The following SLC26A9 variants were observed in gnomAD, a reference collection of about 807,000 sequenced individuals.
SLC26A9 encodes solute carrier family 26 member 9.
Under a neutral mutation model 87.1 loss-of-function variants are expected in SLC26A9, and 46 were observed. The ratio of observed to expected loss-of-function variants is 0.53; its 90% CI spans 0.42 to 0.67. The LOEUF (loss-of-function observed/expected upper bound fraction) is 0.67. SLC26A9 is among the 30% of genes least tolerant of loss of function. The pLI is 0.00. For missense variants in SLC26A9, 927 were observed against 1,018.3 expected, an observed-to-expected ratio of 0.91 and a Z score of 1.22; for synonymous variants, 437 against 409.1, an observed-to-expected ratio of 1.07 and a Z score of -0.82.
chr1:205,943,060 C>T (rs2102612613), intron 1 of SLC26A9, among the ~76,000 whole-genome samples: 1 of 152,346 alleles, frequency 6.6e-6, no homozygotes, highest in East Asian at 1.9e-4. Context: ...TTTCCTTTCC[C>T]TCGGAGGCCT....
At chr1:205,933,853 TC>T (rs1183330222) in intron 2 of SLC26A9, among the ~76,000 whole-genome samples, 1 of 152,118 alleles carries the variant, frequency 6.6e-6, no homozygotes, top group East Asian at 1.9e-4. Context: ...GTTGATCCCT[TC>T]CCTGTTTGTT....
chr1:205,940,157 A>C (rs6593976), intron 1 of SLC26A9, among the ~76,000 whole-genome samples: 85,797 of 151,458 alleles, frequency 0.57, 25,090 homozygotes, highest in East Asian at 0.94. Context: ...ACTCCCATGC[A>C]CTGGCAGGAG....
chr1:205,915,772 T>C (rs1249560271), intron 20 of SLC26A9, among the ~76,000 whole-genome samples: 1 of 152,216 alleles, frequency 6.6e-6, no homozygotes, highest in Non-Finnish European at 1.5e-5. Flanking sequence ...TAAGCTATTT[T>C]GGTCCTATCC....
At position 205,918,697 on chromosome 1, in the gene SLC26A9, A is replaced by G. The variant is rs190178294; in HGVS notation, c.2256+143T>C. The G allele has an allele frequency of 3.6e-3, 3,838 of 1,063,450 alleles. 17 individuals are homozygous for G. The highest frequency in any genetic ancestry group is 3.7e-3 in the Non-Finnish European group (2,773 of 746,424). The allele number at this position is 1,063,450 out of a possible 1,614,324, so 65.9% of individuals were successfully genotyped here. On this transcript the variant is annotated intron_variant, in intron 19 of 20. Transcript: ENST00000367135. ...TTAGTTGATGGTGCTCATTCTATAG[A>G]TAAGGAAACAGATTCAGAAAACTGA...
intron 12 of SLC26A9, 98 bp downstream of exon 12, chr1:205,926,437 G>C (rs1659070459): frequency 1.0e-6 from 1 of 990,974 alleles, no homozygotes; most frequent in Non-Finnish European, 1.6e-6. Flanking sequence ...GGAAGCAGCA[G>C]ACTAGAGGGT....
At position 205,915,370 on chromosome 1, in the gene SLC26A9, A is replaced by G; in HGVS notation, c.2363T>C (p.Leu788Pro). Residue 788 changes from leucine to proline, a missense_variant, in exon 21 of 21, where the codon CTG (leucine) becomes CCG (proline). Physicochemically the swap from Leu to Pro is moderately conservative, Grantham distance 98. Transcript: ENST00000367135. ...CTGGCTGAGCCCTCACAGGGCGGTC[A>G]GGGTCTCTGCGTGAAACATGCTCCC... Reference protein sequence around the residue: ...MFGSMFHAETLTAL With the variant: ...MFGSMFHAETPTAL 6.2e-7 allele frequency: 1 copy of G among 1,614,114 alleles called. No homozygotes were observed. The highest frequency in any genetic ancestry group is 2.2e-5 in the East Asian group (1 of 44,880).
In SLC26A9 at chr1:205,917,322, G is replaced by A. The variant is rs769320514; in HGVS notation, c.2289C>T (p.Asp763=). 5 of 1,613,840 alleles carry A rather than the reference G, an allele frequency of 3.1e-6. No individual in the cohort carries two copies. Among genetic ancestry groups the A allele is most frequent in the Non-Finnish European group, 4.2e-6 (5 of 1,179,994 alleles). ...APGDAELSLY[D]SEEDIRSYWD... ...AGTAGCTGCGAATGTCCTCCTCTGA[G>A]TCGTACAAGGAGAGCTCAGCATCCC... The change falls in exon 20 of 21, where the codon GAC becomes GAT. Residue 763 remains aspartate (D), a synonymous_variant. Transcript: ENST00000367135.
chr1:205,929,253 G>A lies in SLC26A9; in HGVS notation c.821C>T (p.Ala274Val), dbSNP rs1293640513. 6.2e-7 allele frequency: 1 copy of A among 1,614,114 alleles called. No individual in the cohort carries two copies. The highest frequency in any genetic ancestry group is 1.3e-5 in the African/African-American group (1 of 74,932). Residue 274 changes from alanine (A) to valine (V), a missense_variant, in exon 7 of 21, where the codon GCT (alanine) becomes GTT (valine). Transcript: ENST00000367135. ...GAAGCGAATCTTGTGCATGTAGCGA[G>A]CATTGAGCTCCTTCACCAGCACCAG... The part of the protein sequence containing the change: ...AFLVLVKELN[A>V]RYMHKIRFPI...
chr1:205,921,487 G>T, intron 17 of SLC26A9, 79 bp downstream of exon 17: 1 of 1,495,556 alleles, frequency 6.7e-7, no homozygotes, highest in South Asian at 1.3e-5. Flanking sequence ...CCTGAAATGA[G>T]GGCTCCCAGG....
intron 1 of SLC26A9, among the ~76,000 whole-genome samples, chr1:205,942,158 G>A (rs577438023): frequency 9.8e-4 from 149 of 152,204 alleles, no homozygotes; most frequent in Non-Finnish European, 1.6e-3. Flanking sequence ...GAAGACTCTG[G>A]GCATTAAAAG....
At chr1:205,918,706 CAG>C (rs1308759885) in intron 19 of SLC26A9, 132 bp downstream of exon 19, 1 of 1,159,544 alleles carries the variant, frequency 8.6e-7, no homozygotes, top group African/African-American at 1.5e-5. Flanking sequence ...GATAAGGAAA[CAG>C]ATTCAGAAAA....
rs760800844 is a variant in SLC26A9 at position 205,915,162 on chromosome 1, C to A, written c.*195G>T. 7 of 1,612,694 alleles carry A rather than the reference C, an allele frequency of 4.3e-6. No homozygotes were observed. The South Asian group carries it at 5.5e-5, about 13-fold the overall frequency. ...TCTCACTCCTGTAAGGGTAGCACCC[C>A]CCTGCTGCTGAGAGGCTCTCTCTGG... On this transcript the variant is annotated 3_prime_UTR_variant, in exon 21 of 21. Coordinates refer to ENST00000367135, the MANE Select transcript of SLC26A9 (RefSeq NM_052934.4).
At chr1:205,921,888 G>T in intron 16 of SLC26A9, 41 bp from the exon 17 acceptor site, 2 of 1,577,180 alleles carry the variant, frequency 1.3e-6, no homozygotes, top group South Asian at 2.3e-5. Flanking sequence ...GGGACCACCA[G>T]ACTGAGCCAG....
intron 8 of SLC26A9, chr1:205,928,355 C>T: frequency 2.3e-6 from 1 of 439,950 alleles, no homozygotes; most frequent in Non-Finnish European, 4.1e-6. Context: ...GTCCACAGAC[C>T]CCTAGACCTT....
chr1:205,916,053 G>A (rs1298521435), intron 20 of SLC26A9, among the ~76,000 whole-genome samples: 2 of 152,060 alleles, frequency 1.3e-5, no homozygotes, highest in Non-Finnish European at 2.9e-5. Flanking sequence ...TTAATCCAGG[G>A]GCCCTATGGG....
rs549284067 is a variant in SLC26A9, at chr1:205,936,134, G to A, written c.-18-296C>T. On this transcript the variant is annotated intron_variant, in intron 1 of 20. Transcript: ENST00000367135. ...CACCATCACCCCCACTGAGCACCAG[G>A]CAAAGGGGAATCACGAGGGCAGGAG... Among the ~76,000 whole-genome samples the A allele has an allele frequency of 5.3e-5, 8 of 152,302 alleles. No homozygotes were observed. The East Asian group carries it at 1.5e-3, about 29-fold the overall frequency.
Position 205,914,864 on chromosome 1 carries a change from C to G in SLC26A9, c.*493G>C. 6.3e-7 allele frequency: 1 copy of G among 1,581,124 alleles called. No individual in the cohort carries two copies. The highest frequency in any genetic ancestry group is 8.6e-7 in the Non-Finnish European group (1 of 1,161,492). ...ACAGAGTTGAGGCAGCTGGGGAAGG[C>G]AAGCCAGAGTCCTAACCAAGTTTAT... On this transcript the variant is annotated 3_prime_UTR_variant, in exon 21 of 21. Transcript: ENST00000367135.
intron 2 of SLC26A9, 59 bp downstream of exon 2, chr1:205,935,637 G>GTTTTGGTGTAC: frequency 6.2e-7 from 1 of 1,607,438 alleles, no homozygotes; most frequent in Non-Finnish European, 8.5e-7. Context: ...GTGTCCTGGT[G>GTTTTGGTGTAC]CAGAAAGGAT....
chr1:205,928,932 T>C (rs776557463), intron 7 of SLC26A9, 23 bp from the exon 8 acceptor site: 82 of 1,613,642 alleles, frequency 5.1e-5, no homozygotes, highest in Non-Finnish European at 6.4e-5. Flanking sequence ...GAGTGGAGAA[T>C]GGGGATTGGC....
Sources: gnomAD v4.1 joint callset for allele counts (sites outside exome capture counted in the v4.1 genomes callset) on GRCh38, gnomAD v4.1.1 for gene constraint, MANE v1.5 for transcripts, NCBI Gene and HGNC (gene_info 2026-07-23, HGNC 2026-07-21) for gene names.